LAMA2: variants seen among roughly 807,000 people sequenced by gnomAD.
LAMA2 encodes the protein laminin subunit alpha-2.
A neutral mutation model predicts 364.8 loss-of-function variants in LAMA2; 269 were observed. The ratio of observed to expected loss-of-function variants is 0.74; its 90% CI spans 0.67 to 0.82. The LOEUF (loss-of-function observed/expected upper bound fraction) is 0.82. Ranked by LOEUF, LAMA2 falls within the 40% of genes least tolerant of loss-of-function variation. The pLI, the probability that LAMA2 is intolerant of heterozygous loss-of-function variation, is 0.00. For missense variants in LAMA2, 3,807 were observed against 3,873.2 expected, an observed-to-expected ratio of 0.98 and a Z score of 0.45; for synonymous variants, 1,379 against 1,370.6, an observed-to-expected ratio of 1.01 and a Z score of -0.14.
intron 1 of LAMA2, among the ~76,000 whole-genome samples, chr6:128,943,011 C>G (rs1780254760): frequency 6.6e-6 from 1 of 152,184 alleles, no homozygotes; most frequent in African/African-American, 2.4e-5. Context: ...TATGTGCTCT[C>G]AAATCATTGC....
At chr6:129,284,025 C>G (rs1166043843) in intron 18 of LAMA2, among the ~76,000 whole-genome samples, 3 of 152,058 alleles carry the variant, frequency 2.0e-5, no homozygotes, top group African/African-American at 4.8e-5. Context: ...TCCAGTTTAC[C>G]CTCTTCTTTT....
chr6:129,259,502 AGTC>A (rs1398369638), intron 14 of LAMA2, among the ~76,000 whole-genome samples: 2 of 152,136 alleles, frequency 1.3e-5, no homozygotes, highest in African/African-American at 4.8e-5. Flanking sequence ...AGTCAATAGT[AGTC>A]ATTTAATTAT....
At chr6:129,037,078 G>T (rs1786693110) in intron 1 of LAMA2, among the ~76,000 whole-genome samples, 1 of 152,228 alleles carries the variant, frequency 6.6e-6, no homozygotes, top group African/African-American at 2.4e-5. Context: ...TTCCTTGATA[G>T]GTCTTAGAAC....
chr6:129,066,503 A>G (rs933366273), intron 3 of LAMA2, among the ~76,000 whole-genome samples: 8 of 152,214 alleles, frequency 5.3e-5, no homozygotes, highest in African/African-American at 1.9e-4. Flanking sequence ...TAAAATGTCC[A>G]TACTACTCAA....
At position 129,478,736 on chromosome 6, in the gene LAMA2, ATTG is replaced by A; in HGVS notation, c.7496_7498del (p.Ile2499_Glu2500delinsLys). ...GAAATATTCCGGCTGCCTCAAAGAT[ATTG>A]AAATTTCAAGAACTCCGTACAATAT... On this transcript the variant is annotated inframe_deletion, in exon 54 of 65. Transcript: ENST00000421865. The A allele has an allele frequency of 1.2e-6, 2 of 1,613,130 alleles. No individual in the cohort carries two copies. The highest frequency in any genetic ancestry group is 1.7e-6 in the Non-Finnish European group (2 of 1,179,142).
intron 1 of LAMA2, among the ~76,000 whole-genome samples, chr6:129,022,675 A>G (rs1785517085): frequency 6.6e-6 from 1 of 152,198 alleles, no homozygotes; most frequent in African/African-American, 2.4e-5. Context: ...AGCTTTTTCT[A>G]ACATAACTCA....
rs76531004 is a variant in LAMA2 at position 128,947,306 on chromosome 6, C to T, written c.112+63949C>T. ...GATTTTCTGAGGCTTTAACGTTTTC[C>T]GTTTTTAAGACTAAGCTCAAGGGTC... On this transcript the variant is annotated intron_variant, in intron 1 of 64. Transcript: ENST00000421865. Among the ~76,000 whole-genome samples, 1,201 of 152,226 alleles carry T rather than the reference C, an allele frequency of 7.9e-3. 10 individuals are homozygous for T. Among genetic ancestry groups the T allele is most frequent in the Admixed American group, 0.015 (225 of 15,276 alleles).
intron 1 of LAMA2, among the ~76,000 whole-genome samples, chr6:128,895,200 A>G (rs1182590754): frequency 6.6e-6 from 1 of 152,208 alleles, no homozygotes; most frequent in African/African-American, 2.4e-5. Flanking sequence ...TGTTAAAACC[A>G]GCCAGACATA....
chr6:129,472,699 T>C (rs1783871780), intron 51 of LAMA2, among the ~76,000 whole-genome samples: 2 of 151,972 alleles, frequency 1.3e-5, no homozygotes, highest in African/African-American at 2.4e-5. Flanking sequence ...ACCACTTCCT[T>C]GTACAACATC....
In LAMA2 at chr6:129,315,808, C is replaced by T; in HGVS notation, c.3782C>T (p.Ala1261Val). The change falls in exon 26 of 65, where the codon GCT becomes GTT. Residue 1261 changes from alanine (A) to valine (V), a missense_variant. Ala to Val is a moderately conservative substitution (Grantham distance 64, BLOSUM62 0). This residue lies in a region of LAMA2 where 3,333 missense variants were observed against 3,345.7 expected (regional missense o/e 1.00). Coordinates refer to ENST00000421865, the MANE Select transcript of LAMA2 (RefSeq NM_000426.4). ...CTCAAGTATGCAATCTATTTCGAGG[C>T]TCGGGAAGAAACAGGTTTCTCTACA... is the stretch of plus-strand genomic sequence containing the variant. Reference protein sequence around the residue: ...GKLKYAIYFEAREETGFSTYN... With the variant: ...GKLKYAIYFEVREETGFSTYN... 2.5e-6 allele frequency: 4 copies of T among 1,614,040 alleles called. No individual in the cohort carries two copies. Among genetic ancestry groups the T allele is most frequent in the Non-Finnish European group, 3.4e-6 (4 of 1,179,998 alleles).
At chr6:128,913,437 C>T (rs1423307786) in intron 1 of LAMA2, among the ~76,000 whole-genome samples, 3 of 152,194 alleles carry the variant, frequency 2.0e-5, no homozygotes, top group African/African-American at 7.2e-5. Flanking sequence ...AGGCTTCTGG[C>T]TGTGACTTTT....
At chr6:129,460,465 A>C in intron 49 of LAMA2, 141 bp downstream of exon 49, 1 of 892,996 alleles carries the variant, frequency 1.1e-6, no homozygotes, top group South Asian at 1.4e-5. Context: ...TTACCACAAA[A>C]CTAATGAATC....
chr6:129,159,026 C>T (rs1779300480), intron 8 of LAMA2: 1 of 1,580,992 alleles, frequency 6.3e-7, no homozygotes, highest in Non-Finnish European at 8.7e-7. Context: ...CATCCCAGTG[C>T]CGTGGAGCAT....
At chr6:129,074,118 G>A (rs568271695) in intron 3 of LAMA2, among the ~76,000 whole-genome samples, 17 of 151,546 alleles carry the variant, frequency 1.1e-4, no homozygotes, top group African/African-American at 3.6e-4. Context: ...TGGAAACCCC[G>A]ACTTGTTTAC....
chr6:128,928,127 G>C (rs1779212795), intron 1 of LAMA2, among the ~76,000 whole-genome samples: 1 of 152,190 alleles, frequency 6.6e-6, no homozygotes, highest in Non-Finnish European at 1.5e-5. Flanking sequence ...TAGCTCAAGA[G>C]AGACATGCTT....
chr6:128,928,951 G>C (rs1318831516), intron 1 of LAMA2: 1 of 898,100 alleles, frequency 1.1e-6, no homozygotes, highest in Non-Finnish European at 1.9e-6. Context: ...AGGGAGTAGA[G>C]GAGGTAATAC....
At chr6:129,226,788 G>T (rs980563219) in intron 12 of LAMA2, among the ~76,000 whole-genome samples, 2 of 152,044 alleles carry the variant, frequency 1.3e-5, no homozygotes, top group African/African-American at 2.4e-5. Context: ...TTCAACTTTG[G>T]TGAATCTGAC....
intron 1 of LAMA2, among the ~76,000 whole-genome samples, chr6:128,884,740 A>T (rs756124805): frequency 6.6e-6 from 1 of 152,170 alleles, no homozygotes; most frequent in African/African-American, 2.4e-5. Flanking sequence ...ACTTATTTTT[A>T]AAAATTCTAC....
At position 129,241,267 on chromosome 6, in the gene LAMA2, T is replaced by C. The variant is rs150922558; in HGVS notation, c.1783-8845T>C. 6.0e-4 allele frequency among the ~76,000 whole-genome samples: 91 copies of C among 152,274 alleles called. 2 individuals are homozygous for C. The highest frequency in any genetic ancestry group is 4.8e-3 in the East Asian group (25 of 5,180). On this transcript the variant is annotated intron_variant, in intron 12 of 64. Transcript: ENST00000421865. ...TATAAGATGCTTATGCAAAATTCCA[T>C]AGGGAAACATTAAGACGTGAATAAA... is the stretch of plus-strand genomic sequence containing the variant.
Sources: gnomAD v4.1 joint callset for allele counts (sites outside exome capture counted in the v4.1 genomes callset) on GRCh38, gnomAD v4.1.1 for gene constraint, gnomAD v4.1.1 regional missense constraint, MANE v1.5 for transcripts, NCBI Gene and HGNC (gene_info 2026-07-23, HGNC 2026-07-21) for gene names.